Variants in RORB observed in about 807,000 individuals in gnomAD.
The protein encoded by RORB is RAR related orphan receptor B.
RORB carries 6 observed loss-of-function variants against 59.1 expected under a neutral mutation model. The ratio of observed to expected loss-of-function variants is 0.10; its 90% CI spans 0.06 to 0.20. The LOEUF is 0.20. RORB is among the 10% of genes least tolerant of loss of function. The pLI, the probability that RORB is intolerant of heterozygous loss-of-function variation, is 1.00. For synonymous variants in RORB, 215 were observed against 204.5 expected (o/e 1.05, Z -0.44); for missense variants, 320 against 560.5 (o/e 0.57, Z 4.33).
At chr9:74,505,970 G>GT (rs1329438710) in intron 1 of RORB, among the ~76,000 whole-genome samples, 1 of 148,608 alleles carries the variant, frequency 6.7e-6, no homozygotes, top group Non-Finnish European at 1.5e-5. Flanking sequence ...GGTACAGCTT[G>GT]TTTTAAAAAA....
chr9:74,674,997 G>T (rs1341776926), intron 9 of RORB, among the ~76,000 whole-genome samples: 1 of 152,130 alleles, frequency 6.6e-6, no homozygotes, highest in Non-Finnish European at 1.5e-5. Flanking sequence ...TAGGTAATAT[G>T]TAAGTGCTGT....
chr9:74,607,387 T>C (rs1454071048), intron 1 of RORB, among the ~76,000 whole-genome samples: 2 of 152,150 alleles, frequency 1.3e-5, no homozygotes, highest in Non-Finnish European at 2.9e-5. Flanking sequence ...ATTGTAACGG[T>C]GAGGCTTGCC....
At chr9:74,633,298 C>A (rs1032835771) in intron 2 of RORB, among the ~76,000 whole-genome samples, 2 of 152,190 alleles carry the variant, frequency 1.3e-5, no homozygotes, top group African/African-American at 4.8e-5. Context: ...GCGTACCTAG[C>A]CCTGGCCCTG....
intron 5 of RORB, 109 bp downstream of exon 5, chr9:74,660,847 A>G: frequency 2.6e-6 from 3 of 1,152,760 alleles, no homozygotes; most frequent in Non-Finnish European, 3.7e-6. Flanking sequence ...CTGTAAGGGC[A>G]TCCTGCAAAT....
At chr9:74,624,235 C>G (rs1391191149) in intron 1 of RORB, among the ~76,000 whole-genome samples, 1 of 152,072 alleles carries the variant, frequency 6.6e-6, no homozygotes, top group African/African-American at 2.4e-5. Flanking sequence ...TAGGAGCTAT[C>G]AGCCATTGGA....
chr9:74,535,636 C>G (rs555487612), intron 1 of RORB, among the ~76,000 whole-genome samples: 2 of 152,028 alleles, frequency 1.3e-5, no homozygotes, highest in Admixed American at 6.6e-5. Flanking sequence ...GAGAAACTCC[C>G]TTTGTCATTT....
Position 74,564,954 on chromosome 9 carries a change from T to G in RORB, c.8-65328T>G, listed in dbSNP as rs564665416. ...TCAGAACATCTTTCTGCTTACAACTTCTCAGCATGAGTTGAGTAAATATTG... is the reference window on the plus strand; with the variant it reads ...TCAGAACATCTTTCTGCTTACAACTGCTCAGCATGAGTTGAGTAAATATTG... On this transcript the variant is annotated intron_variant, in intron 1 of 9. Coordinates refer to ENST00000376896, the MANE Select transcript of RORB (RefSeq NM_006914.4). 9.8e-5 allele frequency among the ~76,000 whole-genome samples: 15 copies of G among 152,298 alleles called. No homozygotes were observed. In the East Asian group the frequency reaches 2.9e-3, roughly 29 times the overall value.
In RORB at chr9:74,603,869, G is replaced by A. The variant is rs143213117; in HGVS notation, c.8-26413G>A. ...GAAAGTGATAATGGGTGGGCTAAGC[G>A]GACTGTGAGGTCTTTGCCTTGCTTA... On this transcript the variant is annotated intron_variant, in intron 1 of 9. Coordinates refer to ENST00000376896, the MANE Select transcript of RORB (RefSeq NM_006914.4). Among the ~76,000 whole-genome samples the A allele has an allele frequency of 8.9e-4, 136 of 152,254 alleles. No homozygotes were observed. In the Middle Eastern group the frequency reaches 0.01, roughly 11 times the overall value.
At chr9:74,559,416 C>T (rs574193764) in intron 1 of RORB, among the ~76,000 whole-genome samples, 26 of 152,184 alleles carry the variant, frequency 1.7e-4, no homozygotes, top group Non-Finnish European at 3.2e-4. Context: ...ACTGGTATTG[C>T]GTGGAGTTAC....
At chr9:74,577,255 C>T (rs1822650331) in intron 1 of RORB, among the ~76,000 whole-genome samples, 1 of 152,014 alleles carries the variant, frequency 6.6e-6, no homozygotes. Context: ...TCACTAATGT[C>T]AAAATCGTTC....
rs374409453 is a variant in RORB, at chr9:74,663,274, A to G, written c.892+668A>G. On this transcript the variant is annotated intron_variant, in intron 6 of 9. Coordinates refer to ENST00000376896, the MANE Select transcript of RORB (RefSeq NM_006914.4). ...CATGGTCCTAGGCCATAATAATAATAATAACATACTCATAAGTAAAATAAC... is the reference window on the plus strand; with the variant it reads ...CATGGTCCTAGGCCATAATAATAATGATAACATACTCATAAGTAAAATAAC... Among the ~76,000 whole-genome samples, 20 of 152,304 alleles carry G rather than the reference A, an allele frequency of 1.3e-4. No homozygotes were observed. In the South Asian group the frequency reaches 3.7e-3, roughly 28 times the overall value.
At chr9:74,682,510 G>A (rs940032411) in intron 9 of RORB, among the ~76,000 whole-genome samples, 6 of 151,918 alleles carry the variant, frequency 3.9e-5, no homozygotes, top group African/African-American at 1.5e-4. Flanking sequence ...ACAGAAATAG[G>A]ATTCAAACCC....
intron 1 of RORB, among the ~76,000 whole-genome samples, chr9:74,542,684 T>G (rs563551333): frequency 2.6e-4 from 39 of 152,332 alleles, no homozygotes; most frequent in Admixed American, 1.1e-3. Context: ...TTATCCAATA[T>G]CTTTTTCCAA....
chr9:74,598,058 T>C (rs1464477754), intron 1 of RORB, among the ~76,000 whole-genome samples: 1 of 152,206 alleles, frequency 6.6e-6, no homozygotes. Context: ...CAGCTGTTTT[T>C]GCTACATTTT....
chr9:74,587,780 T>G (rs1223585582), intron 1 of RORB, among the ~76,000 whole-genome samples: 3 of 152,208 alleles, frequency 2.0e-5, no homozygotes, highest in South Asian at 4.1e-4. Context: ...TGTGCACACA[T>G]GTCAATCTCT....
chr9:74,575,217 C>T (rs972046533), intron 1 of RORB, among the ~76,000 whole-genome samples: 1 of 152,072 alleles, frequency 6.6e-6, no homozygotes, highest in African/African-American at 2.4e-5. Context: ...CCCGGTATTA[C>T]TCTTCTCATT....
At chr9:74,532,406 T>C (rs1826255123) in intron 1 of RORB, among the ~76,000 whole-genome samples, 1 of 151,926 alleles carries the variant, frequency 6.6e-6, no homozygotes, top group Non-Finnish European at 1.5e-5. Flanking sequence ...AAGCCTATTT[T>C]AGTCTTATTA....
chr9:74,636,864 C>G (rs1823712331), intron 3 of RORB, among the ~76,000 whole-genome samples: 1 of 152,124 alleles, frequency 6.6e-6, no homozygotes, highest in African/African-American at 2.4e-5. Flanking sequence ...CTATATCATA[C>G]AGAGAAAGTT....
chr9:74,533,427 G>A (rs1224088433), intron 1 of RORB, among the ~76,000 whole-genome samples: 2 of 151,986 alleles, frequency 1.3e-5, no homozygotes, highest in African/African-American at 4.8e-5. Flanking sequence ...CACAGTGGCA[G>A]TGACAGCAAC....
Sources: allele counts gnomAD v4.1 joint callset (sites outside exome capture counted in the v4.1 genomes callset), GRCh38; gene constraint gnomAD v4.1.1; transcripts MANE v1.5; gene names NCBI Gene and HGNC (gene_info 2026-07-23, HGNC 2026-07-21).